Variants in TTLL11 observed in about 807,000 individuals in gnomAD.
The protein encoded by TTLL11 is tubulin polyglutamylase TTLL11.
In TTLL11, 42 loss-of-function variants were observed where a neutral mutation model predicts 51.7. The observed-to-expected ratio is 0.81, with a 90% CI of 0.64 to 1.05. The LOEUF (loss-of-function observed/expected upper bound fraction) is 1.05, where lower values mean the gene tolerates loss of function less well. Among genes scored for constraint, TTLL11 ranks in the 50% least tolerant of loss-of-function variants. TTLL11 has a pLI of 0.00. For synonymous variants in TTLL11, 381 were observed against 383.5 expected (o/e 0.99, Z 0.08); for missense variants, 799 against 940.4 (o/e 0.85, Z 1.97).
chr9:122,062,093 T>C (rs561155250), intron 1 of TTLL11, among the ~76,000 whole-genome samples: 23 of 152,340 alleles, frequency 1.5e-4, no homozygotes, highest in Admixed American at 3.3e-4. Flanking sequence ...CACAGCCCCA[T>C]TGGGGCACAC....
chr9:121,847,351 A>G (rs1029727386), intron 8 of TTLL11, among the ~76,000 whole-genome samples: 1 of 152,172 alleles, frequency 6.6e-6, no homozygotes, highest in African/African-American at 2.4e-5. Flanking sequence ...TAGCCCAGCT[A>G]ACCAAAAACA....
At chr9:121,928,868 C>A (rs1010441477) in intron 6 of TTLL11, among the ~76,000 whole-genome samples, 2 of 152,086 alleles carry the variant, frequency 1.3e-5, no homozygotes, top group Admixed American at 6.6e-5. Context: ...TACCACACCC[C>A]CTTTGAGTTT....
chr9:122,010,995 C>T (rs1843776598), intron 3 of TTLL11, among the ~76,000 whole-genome samples: 1 of 152,200 alleles, frequency 6.6e-6, no homozygotes, highest in Non-Finnish European at 1.5e-5. Context: ...CAAATCTCAT[C>T]TTGAACTGTA....
chr9:122,075,949 T>A (rs1845847355), intron 1 of TTLL11, among the ~76,000 whole-genome samples: 1 of 152,040 alleles, frequency 6.6e-6, no homozygotes, highest in Non-Finnish European at 1.5e-5. Context: ...GAAAAAAAAA[T>A]CAGCTCTAGA....
chr9:122,093,195 G>A lies in TTLL11; in HGVS notation c.-47C>T, dbSNP rs1375494809. The stretch of plus-strand genomic sequence containing the variant: ...TGCCAGTGCCACCGCCGCCGCCGCC[G>A]CCGCTCCGCCGCCCCAGTCCGCCAC... On this transcript the variant is annotated 5_prime_UTR_variant, in exon 1 of 9. Coordinates refer to ENST00000321582, the MANE Select transcript of TTLL11 (RefSeq NM_001139442.2). 2.0e-6 allele frequency: 3 copies of A among 1,488,416 alleles called. No individual in the cohort carries two copies. Among genetic ancestry groups the A allele is most frequent in the Admixed American group, 2.3e-5 (1 of 43,834 alleles). The allele number at this position is 1,488,416 out of a possible 1,614,324, so 92.2% of individuals were successfully genotyped here.
At chr9:121,972,738 C>A (rs1047114505) in intron 6 of TTLL11, among the ~76,000 whole-genome samples, 1 of 152,262 alleles carries the variant, frequency 6.6e-6, no homozygotes, top group Non-Finnish European at 1.5e-5. Context: ...AGGCCTTCCA[C>A]CCAGGCCAAT....
chr9:121,959,885 A>G lies in TTLL11; in HGVS notation c.1481+14124T>C, dbSNP rs182412172. 1.1e-4 allele frequency among the ~76,000 whole-genome samples: 17 copies of G among 152,102 alleles called. No individual in the cohort carries two copies. The East Asian group carries it at 3.3e-3, about 30-fold the overall frequency. On this transcript the variant is annotated intron_variant, in intron 6 of 8. Transcript: ENST00000321582. ...GCTTGCTCACTGTGATCTGTATTAT[A>G]CATTGGACTTCTTTATTTTTTTCTG... is the stretch of plus-strand genomic sequence containing the variant.
At chr9:122,008,579 TG>T (rs1843715236) in intron 3 of TTLL11, among the ~76,000 whole-genome samples, 1 of 152,194 alleles carries the variant, frequency 6.6e-6, no homozygotes, top group African/African-American at 2.4e-5. Flanking sequence ...GGCGATGATG[TG>T]GAGAAAAGGG....
chr9:121,847,884 A>G (rs1289332850), intron 8 of TTLL11, among the ~76,000 whole-genome samples: 1 of 152,244 alleles, frequency 6.6e-6, no homozygotes, highest in East Asian at 1.9e-4. Flanking sequence ...CCTCTTGAGC[A>G]TAGATGCAAA....
intron 6 of TTLL11, among the ~76,000 whole-genome samples, chr9:121,895,974 GT>G (rs1839501885): frequency 8.0e-6 from 1 of 125,052 alleles, no homozygotes; most frequent in Admixed American, 8.2e-5. Context: ...GTGTGGGTGT[GT>G]GTCTGTGGTG....
At chr9:122,045,423 C>T (rs535105415) in intron 1 of TTLL11, among the ~76,000 whole-genome samples, 11 of 152,080 alleles carry the variant, frequency 7.2e-5, no homozygotes, top group Admixed American at 2.0e-4. Flanking sequence ...CGTCGTGGCG[C>T]GCCTGTAATT....
intron 6 of TTLL11, among the ~76,000 whole-genome samples, chr9:121,959,880 A>G (rs544702570): frequency 1.3e-5 from 2 of 152,106 alleles, no homozygotes; most frequent in South Asian, 2.1e-4. Flanking sequence ...TGTGATCTGT[A>G]TTATACATTG....
intron 1 of TTLL11, among the ~76,000 whole-genome samples, chr9:122,066,991 C>T (rs977473426): frequency 2.6e-5 from 4 of 152,106 alleles, no homozygotes; most frequent in Admixed American, 6.5e-5. Context: ...GGAGAAACTT[C>T]CCCCATGATT....
chr9:121,824,993 T>G (rs1183690636), intron 8 of TTLL11, among the ~76,000 whole-genome samples: 2 of 152,222 alleles, frequency 1.3e-5, no homozygotes, highest in African/African-American at 4.8e-5. Context: ...TTCTTTTGAC[T>G]GCAGACATCC....
chr9:121,897,649 C>CGCGT (rs1184705032), intron 6 of TTLL11, among the ~76,000 whole-genome samples: 3 of 151,468 alleles, frequency 2.0e-5, no homozygotes, highest in African/African-American at 7.3e-5. Context: ...CACGCGCGCG[C>CGCGT]GAAGTCTCCA....
At position 122,092,924 on chromosome 9, in the gene TTLL11, C is replaced by T; in HGVS notation, c.225G>A (p.Glu75=). Residue 75 remains glutamate (E), a synonymous_variant, in exon 1 of 9, where the codon GAG becomes GAA. Coordinates refer to ENST00000321582, the MANE Select transcript of TTLL11 (RefSeq NM_001139442.2). The part of the protein sequence containing the change: ...PAPAQPSAAE[E]GNTQVLQRPP... ...GCCGCTGAAGGACCTGGGTGTTCCC[C>T]TCCTCAGCCGCACTGGGCTGCGCCG... 3 of 1,580,274 alleles carry T rather than the reference C, an allele frequency of 1.9e-6. No individual in the cohort carries two copies. The highest frequency in any genetic ancestry group is 2.6e-6 in the Non-Finnish European group (3 of 1,170,924).
rs995645970 is a variant in TTLL11, at chr9:122,007,503, G to GA, written c.694-17734dup. Among the ~76,000 whole-genome samples, 68 of 140,496 alleles carry GA rather than the reference G, an allele frequency of 4.8e-4. 1 individual carries two copies. Among genetic ancestry groups the GA allele is most frequent in the East Asian group, 3.3e-3 (16 of 4,848 alleles). The allele number at this position is 140,496 out of a possible 152,430, so 92.2% of individuals were successfully genotyped here. A position where few individuals can be genotyped will look rare whatever the true frequency, so the allele number is the denominator to read the frequency against. On this transcript the variant is annotated intron_variant, in intron 3 of 8. Transcript: ENST00000321582. ...AAAAAAAAAAAAAGAAAAAAGAAAA[G>GA]AAAAAAAAAAGGATTCAGGCCCCCA...
At chr9:121,936,112 T>C (rs1053566558) in intron 6 of TTLL11, among the ~76,000 whole-genome samples, 1 of 151,804 alleles carries the variant, frequency 6.6e-6, no homozygotes, top group African/African-American at 2.4e-5. Context: ...GAATGGTAGA[T>C]GAGAGGAAGG....
chr9:122,052,759 C>A (rs1845195871), intron 1 of TTLL11, among the ~76,000 whole-genome samples: 1 of 152,164 alleles, frequency 6.6e-6, no homozygotes, highest in East Asian at 1.9e-4. Flanking sequence ...CATGGGTAGG[C>A]ACGTAACCTC....
Sources: allele counts gnomAD v4.1 joint callset (sites outside exome capture counted in the v4.1 genomes callset), GRCh38; gene constraint gnomAD v4.1.1; transcripts MANE v1.5; gene names NCBI Gene and HGNC (gene_info 2026-07-23, HGNC 2026-07-21).